CNBD1: variants seen among roughly 807,000 people sequenced by gnomAD.
The protein encoded by CNBD1 is cyclic nucleotide binding domain containing 1.
A neutral mutation model predicts 54.4 loss-of-function variants in CNBD1; 71 were observed. The ratio of observed to expected loss-of-function variants is 1.30; its 90% CI spans 1.08 to 1.59. The LOEUF (loss-of-function observed/expected upper bound fraction) is 1.59. CNBD1 is among the 40% of genes most tolerant of loss of function. CNBD1 has a pLI of 0.00. For missense variants in CNBD1, 659 were observed against 518.0 expected (o/e 1.27, Z -2.64); for synonymous variants, 182 against 170.7 (o/e 1.07, Z -0.51).
Position 87,206,107 on chromosome 8 carries a change from CTT to C in CNBD1, c.549_550del (p.Ser184ArgfsTer13). On this transcript the variant is annotated frameshift_variant, in exon 5 of 11. Transcript: ENST00000518476. LOFTEE classifies it high-confidence loss of function. Reference sequence around the variant, plus strand: ...ATCTGAAAACACTTAGTAAGACTGTCTTTTCCGAAACCTGGTTGAAAGGCAGC... The same window carrying C: ...ATCTGAAAACACTTAGTAAGACTGTCTTCCGAAACCTGGTTGAAAGGCAGC... ...KHLKTLSKTV[F>X]SETWLKGSTV... 7 of 1,588,942 alleles carry C rather than the reference CTT, an allele frequency of 4.4e-6. No homozygotes were observed. Among genetic ancestry groups the C allele is most frequent in the Non-Finnish European group, 6.0e-6 (7 of 1,169,380 alleles).
intron 10 of CNBD1, among the ~76,000 whole-genome samples, chr8:87,362,370 T>C (rs546113117): frequency 6.6e-6 from 1 of 152,242 alleles, no homozygotes; most frequent in South Asian, 2.1e-4. Context: ...TTATCCAAGT[T>C]CAGGAGGAAG....
intron 4 of CNBD1, among the ~76,000 whole-genome samples, chr8:86,986,104 A>G (rs748438657): frequency 6.6e-6 from 1 of 151,670 alleles, no homozygotes; most frequent in African/African-American, 2.4e-5. Context: ...TAATTTTCCT[A>G]TTTTTAGTAG....
chr8:87,336,399 TC>T (rs1809945406), intron 8 of CNBD1, among the ~76,000 whole-genome samples: 2 of 152,114 alleles, frequency 1.3e-5, no homozygotes, highest in African/African-American at 4.8e-5. Flanking sequence ...TCATTCCTTT[TC>T]CCCTTTTTTC....
intron 4 of CNBD1, among the ~76,000 whole-genome samples, chr8:87,030,804 G>T (rs1477477018): frequency 6.6e-6 from 1 of 150,904 alleles, no homozygotes; most frequent in Non-Finnish European, 1.5e-5. Context: ...AAGGGAAAGG[G>T]TGATGACAGC....
At chr8:86,907,672 A>G (rs1809038360) in intron 3 of CNBD1, among the ~76,000 whole-genome samples, 1 of 152,050 alleles carries the variant, frequency 6.6e-6, no homozygotes, top group Non-Finnish European at 1.5e-5. Flanking sequence ...ATCTAAAAAA[A>G]AAACAAAAAC....
At chr8:87,074,282 G>T (rs1810821043) in intron 4 of CNBD1, among the ~76,000 whole-genome samples, 1 of 152,050 alleles carries the variant, frequency 6.6e-6, no homozygotes, top group Non-Finnish European at 1.5e-5. Context: ...TGGGAACATG[G>T]TCCCATCTCA....
chr8:87,205,972 G>C, intron 4 of CNBD1, 21 bp from the exon 5 acceptor site: 1 of 1,386,408 alleles, frequency 7.2e-7, no homozygotes, highest in Non-Finnish European at 9.5e-7. Flanking sequence ...CTCTGAATTT[G>C]TATTTTTTTT....
chr8:86,933,012 C>CCTTT lies in CNBD1; in HGVS notation c.273-6582_273-6579dup, dbSNP rs368162341. On this transcript the variant is annotated intron_variant, in intron 3 of 10. Coordinates refer to ENST00000518476, the MANE Select transcript of CNBD1 (RefSeq NM_173538.3). The stretch of plus-strand genomic sequence containing the variant: ...ACATTCTCGAAAACCTGCACCCTTG[C>CCTTT]CTTTCCTCTTAGACCACAAAGAGGA... Among the ~76,000 whole-genome samples, 181 of 152,168 alleles carry CCTTT rather than the reference C, an allele frequency of 1.2e-3. 1 individual carries two copies. The highest frequency in any genetic ancestry group is 4.2e-3 in the African/African-American group (176 of 41,498).
chr8:87,029,695 A>G (rs1450851067), intron 4 of CNBD1, among the ~76,000 whole-genome samples: 1 of 152,152 alleles, frequency 6.6e-6, no homozygotes, highest in Non-Finnish European at 1.5e-5. Context: ...CTATTTTGTT[A>G]AAAGTCTTAA....
At chr8:87,014,133 C>A (rs1809301868) in intron 4 of CNBD1, among the ~76,000 whole-genome samples, 1 of 150,714 alleles carries the variant, frequency 6.6e-6, no homozygotes, top group Non-Finnish European at 1.5e-5. Flanking sequence ...GCACTCAAAT[C>A]AAATACAGAA....
intron 4 of CNBD1, among the ~76,000 whole-genome samples, chr8:87,205,703 G>GAGTTTTCTATTTAAAAAGA (rs542100376): frequency 6.6e-6 from 1 of 151,968 alleles, no homozygotes; most frequent in Non-Finnish European, 1.5e-5. Context: ...TAGGAGTACT[G>GAGTTTTCTATTTAAAAAGA]AGTTTTCTAT....
chr8:86,923,101 A>C (rs1258272476), intron 3 of CNBD1, among the ~76,000 whole-genome samples: 1 of 152,206 alleles, frequency 6.6e-6, no homozygotes, highest in Non-Finnish European at 1.5e-5. Context: ...AAATAAGGTA[A>C]CAAAGGAACA....
rs182842515 is a variant in CNBD1 at position 87,398,455 on chromosome 8, G to C, written c.214-30091G>C. 7.0e-4 allele frequency among the ~76,000 whole-genome samples: 107 copies of C among 151,998 alleles called. 1 individual carries two copies. Among genetic ancestry groups the C allele is most frequent in the Non-Finnish European group, 7.1e-4 (48 of 67,890 alleles). ...CCAAAAAATGTAATAAACATTTGCT[G>C]TGTGTGTGCCTGTTTGAGTGGCATA... On this transcript the variant is annotated intron_variant, in intron 2 of 7. Coordinates refer to the CNBD1 transcript ENST00000521593.
At chr8:87,372,093 T>C (rs535987313) in intron 10 of CNBD1, among the ~76,000 whole-genome samples, 2 of 152,114 alleles carry the variant, frequency 1.3e-5, no homozygotes, top group East Asian at 3.9e-4. Context: ...AAAACCCCAC[T>C]GTCTCAGCCC....
At chr8:86,901,872 G>A (rs762990330) in intron 2 of CNBD1, among the ~76,000 whole-genome samples, 3 of 152,076 alleles carry the variant, frequency 2.0e-5, no homozygotes, top group Non-Finnish European at 4.4e-5. Context: ...GGGGAAGGGT[G>A]ATCACTTAAA....
At chr8:87,297,499 T>C (rs989998530) in intron 8 of CNBD1, among the ~76,000 whole-genome samples, 1 of 152,202 alleles carries the variant, frequency 6.6e-6, no homozygotes, top group Non-Finnish European at 1.5e-5. Context: ...ATATACGATA[T>C]GAATTTTTAA....
intron 10 of CNBD1, among the ~76,000 whole-genome samples, chr8:87,356,601 A>G (rs1466201724): frequency 6.6e-6 from 1 of 151,314 alleles, no homozygotes; most frequent in Non-Finnish European, 1.5e-5. Context: ...ACAACGTACA[A>G]TCATATATGA....
At chr8:87,066,930 AG>A (rs1379974371) in intron 4 of CNBD1, among the ~76,000 whole-genome samples, 4 of 151,956 alleles carry the variant, frequency 2.6e-5, no homozygotes, top group African/African-American at 9.7e-5. Flanking sequence ...TTGGCTTTTC[AG>A]GATTTTGTTT....
At chr8:87,290,792 C>G (rs566316041) in intron 8 of CNBD1, among the ~76,000 whole-genome samples, 1 of 152,140 alleles carries the variant, frequency 6.6e-6, no homozygotes, top group Non-Finnish European at 1.5e-5. Context: ...TGCAATCCCA[C>G]TTTCTTCTGG....
Sources: allele counts gnomAD v4.1 joint callset (sites outside exome capture counted in the v4.1 genomes callset), GRCh38; gene constraint gnomAD v4.1.1; transcripts MANE v1.5; gene names NCBI Gene and HGNC (gene_info 2026-07-23, HGNC 2026-07-21).